Variants in REEP1 observed in about 807,000 individuals in gnomAD.
The protein encoded by REEP1 is receptor accessory protein 1.
A neutral mutation model predicts 40.3 loss-of-function variants in REEP1; 22 were observed. The ratio of observed to expected loss-of-function variants is 0.55; its 90% CI spans 0.39 to 0.78. The LOEUF (loss-of-function observed/expected upper bound fraction) is 0.78. Among genes scored for constraint, REEP1 ranks in the 30% least tolerant of loss-of-function variants. The pLI, the probability that REEP1 is intolerant of heterozygous loss-of-function variation, is 0.00. For missense variants in REEP1, 280 were observed against 361.1 expected, an observed-to-expected ratio of 0.78 and a Z score of 1.82; for synonymous variants, 116 against 139.2, an observed-to-expected ratio of 0.83 and a Z score of 1.17.
chr2:86,232,726 G>T lies in REEP1; in HGVS notation c.494C>A (p.Pro165His). Residue 165 changes from proline (P) to histidine (H), a missense_variant, in exon 6 of 9, where the codon CCT (proline) becomes CAT (histidine). Physicochemically the swap from Pro to His is moderately conservative, Grantham distance 77. Coordinates refer to ENST00000538924, the MANE Select transcript of REEP1 (RefSeq NM_001371279.1). ...DLTTIRGDGA[P>H]APSGPPPPGS... ...CGGTGGTGGGGGGCCCGAGGGAGCA[G>T]GGGCGCCGTCTCCCCTGATGGTGGT... 1 of 1,609,482 alleles carries T rather than the reference G, an allele frequency of 6.2e-7. No homozygotes were observed.
At chr2:86,242,753 T>G (rs895161517) in intron 5 of REEP1, among the ~76,000 whole-genome samples, 1 of 152,064 alleles carries the variant, frequency 6.6e-6, no homozygotes, top group Non-Finnish European at 1.5e-5. Context: ...TGTACAGGAC[T>G]TAAACAGGAA....
chr2:86,298,494 A>G (rs1477109670), intron 1 of REEP1, among the ~76,000 whole-genome samples: 1 of 152,226 alleles, frequency 6.6e-6, no homozygotes, highest in Non-Finnish European at 1.5e-5. Flanking sequence ...AGGAGTGAAC[A>G]CATGAAGAGA....
chr2:86,298,258 T>C (rs1679079098), intron 1 of REEP1, among the ~76,000 whole-genome samples: 1 of 152,104 alleles, frequency 6.6e-6, no homozygotes, highest in African/African-American at 2.4e-5. Flanking sequence ...CCCAGGATGA[T>C]AGCACCAGGT....
At chr2:86,319,497 C>T (rs950926496) in intron 1 of REEP1, among the ~76,000 whole-genome samples, 1 of 152,188 alleles carries the variant, frequency 6.6e-6, no homozygotes, top group African/African-American at 2.4e-5. Flanking sequence ...GAATTCGAGA[C>T]CAGCCTGGCC....
chr2:86,240,129 G>C (rs925965372), intron 5 of REEP1: 1 of 152,600 alleles, frequency 6.6e-6, no homozygotes, highest in Non-Finnish European at 1.5e-5. Context: ...AAATGGAGTT[G>C]AAGGGAGCCA....
rs977159197 is a variant in REEP1, at chr2:86,266,870, G to A, written c.106-2829C>T. ...AAAATGCAAAAAATTAGCCGGGCAT[G>A]GTGGTGGGCACCTGTAGTCCCAGCT... On this transcript the variant is annotated intron_variant, in intron 2 of 8. Transcript: ENST00000538924. 3.2e-4 allele frequency among the ~76,000 whole-genome samples: 48 copies of A among 151,912 alleles called. 1 individual carries two copies. The highest frequency in any genetic ancestry group is 2.7e-3 in the Admixed American group (41 of 15,268).
intron 1 of REEP1, among the ~76,000 whole-genome samples, chr2:86,288,997 T>C (rs540388991): frequency 6.6e-6 from 1 of 152,330 alleles, no homozygotes; most frequent in African/African-American, 2.4e-5. Context: ...AAATCCTTTC[T>C]CGGACATATG....
intron 8 of REEP1, among the ~76,000 whole-genome samples, chr2:86,219,451 C>CTT (rs11350191): frequency 0.016 from 2,029 of 129,944 alleles, 61 homozygotes; most frequent in African/African-American, 0.054. Context: ...TTTTTCTTTT[C>CTT]TTTTTTTTTT....
intron 2 of REEP1, among the ~76,000 whole-genome samples, chr2:86,266,153 A>AAT (rs1574055903): frequency 6.6e-6 from 1 of 152,358 alleles, no homozygotes; most frequent in East Asian, 1.9e-4. Context: ...GTTTTGAGTT[A>AAT]ACTAGATATC....
At chr2:86,289,150 C>T (rs950966708) in intron 1 of REEP1, among the ~76,000 whole-genome samples, 2 of 152,062 alleles carry the variant, frequency 1.3e-5, no homozygotes, top group African/African-American at 2.4e-5. Flanking sequence ...ATCCTGGTCA[C>T]GTATATTTTC....
chr2:86,337,907 C>A, upstream of REEP1: 1 of 1,050,798 alleles, frequency 9.5e-7, no homozygotes. The surrounding 1 kb of genome is among the most constrained non-coding windows in gnomAD (Gnocchi z 5.8). Flanking sequence ...CCACCCTCAG[C>A]GTTCCAGCGG....
rs556649867 is a variant in REEP1, at chr2:86,268,642, A to G, written c.106-4601T>C. Among the ~76,000 whole-genome samples the G allele has an allele frequency of 3.9e-5, 6 of 152,312 alleles. No individual in the cohort carries two copies. The South Asian group carries it at 8.3e-4, about 21-fold the overall frequency. ...TCAACAAACCGATTATAAAGTTTAT[A>G]TGGAAAGGTAAAAGACCAGAACAAT... On this transcript the variant is annotated intron_variant, in intron 2 of 8. Coordinates refer to ENST00000538924, the MANE Select transcript of REEP1 (RefSeq NM_001371279.1).
intron 1 of REEP1, among the ~76,000 whole-genome samples, chr2:86,282,578 C>T (rs113670989): frequency 6.6e-6 from 1 of 152,112 alleles, no homozygotes; most frequent in African/African-American, 2.4e-5. Flanking sequence ...TGCTAACCCC[C>T]CTCTGAAGCT....
intron 1 of REEP1, among the ~76,000 whole-genome samples, chr2:86,320,006 T>C (rs1466644543): frequency 6.6e-6 from 1 of 152,264 alleles, no homozygotes; most frequent in Non-Finnish European, 1.5e-5. Context: ...TTCAGACTTC[T>C]AGTCTGCAGA....
chr2:86,272,850 T>C (rs1677530855), intron 2 of REEP1, among the ~76,000 whole-genome samples: 1 of 152,146 alleles, frequency 6.6e-6, no homozygotes, highest in African/African-American at 2.4e-5. Flanking sequence ...AGGCCAGTCA[T>C]GGTGGCTCAT....
At chr2:86,239,208 C>CAAAAAAAAAAAAA (rs35714309) in intron 5 of REEP1, among the ~76,000 whole-genome samples, 2 of 58,358 alleles carry the variant, frequency 3.4e-5, no homozygotes, top group Middle Eastern at 0.017. Context: ...CCATCTAGAC[C>CAAAAAAAAAAAAA]AAAAAAAAAA....
chr2:86,219,903 C>A, intron 8 of REEP1, 67 bp downstream of exon 8: 1 of 1,186,276 alleles, frequency 8.4e-7, no homozygotes, highest in Non-Finnish European at 1.1e-6. Context: ...GCTCCCAGGA[C>A]CCCCAATCTC....
intron 5 of REEP1, chr2:86,240,175 C>T (rs565836940): frequency 1.3e-5 from 2 of 152,632 alleles, no homozygotes; most frequent in South Asian, 4.1e-4. Flanking sequence ...CTCCCTCGCT[C>T]GCTCACCCAT....
intron 7 of REEP1, among the ~76,000 whole-genome samples, chr2:86,225,898 T>A (rs1674655855): frequency 6.6e-6 from 1 of 152,230 alleles, no homozygotes; most frequent in Non-Finnish European, 1.5e-5. Context: ...GGACCCTCAC[T>A]AGTCCCTAAT....
Sources: allele counts gnomAD v4.1 joint callset (sites outside exome capture counted in the v4.1 genomes callset), GRCh38; gene constraint gnomAD v4.1.1; non-coding constraint Gnocchi (gnomAD v3.1); transcripts MANE v1.5; gene names NCBI Gene and HGNC (gene_info 2026-07-23, HGNC 2026-07-21).